The following DLGAP2 variants were observed in gnomAD, a reference collection of about 807,000 sequenced individuals.
DLGAP2 encodes DLG associated protein 2, also known as disks large-associated protein 2.
A neutral mutation model predicts 100.3 loss-of-function variants in DLGAP2; 26 were observed. That is an observed-to-expected ratio of 0.26 (90% CI 0.19 to 0.36). The LOEUF is 0.36. Ranked by LOEUF, DLGAP2 falls within the 10% of genes least tolerant of loss-of-function variation. DLGAP2 has a pLI of 1.00. For synonymous variants in DLGAP2, 886 were observed against 630.1 expected, an observed-to-expected ratio of 1.41 and a Z score of -6.08; for missense variants, 1,858 against 1,453.2, an observed-to-expected ratio of 1.28 and a Z score of -4.53.
At chr8:813,430 G>A (rs779843458) in intron 1 of DLGAP2, among the ~76,000 whole-genome samples, 11 of 152,022 alleles carry the variant, frequency 7.2e-5, no homozygotes, top group Admixed American at 6.6e-4. Context: ...ATTCTATAAT[G>A]TCATCTTGTT....
intron 2 of DLGAP2, among the ~76,000 whole-genome samples, chr8:1,058,074 C>T (rs1054799481): frequency 1.3e-5 from 2 of 152,186 alleles, no homozygotes; most frequent in African/African-American, 4.8e-5. Flanking sequence ...TATTACCCTG[C>T]TCTGCCAAAT....
intron 2 of DLGAP2, among the ~76,000 whole-genome samples, chr8:1,007,634 T>TGA (rs199694483): frequency 5.8e-5 from 8 of 138,102 alleles, no homozygotes; most frequent in African/African-American, 1.9e-4. Flanking sequence ...GTTTTTTTTT[T>TGA]TGGGGGGGGG....
intron 2 of DLGAP2, among the ~76,000 whole-genome samples, chr8:1,070,141 G>T (rs1803382397): frequency 6.6e-6 from 1 of 152,196 alleles, no homozygotes; most frequent in Non-Finnish European, 1.5e-5. Flanking sequence ...GGGGCATCTT[G>T]TGCACCTCTT....
chr8:1,634,183 G>A (rs1036006661), intron 8 of DLGAP2, among the ~76,000 whole-genome samples: 5 of 152,138 alleles, frequency 3.3e-5, no homozygotes, highest in African/African-American at 7.2e-5. Context: ...TGGTTTCTGC[G>A]GTATTCAAGA....
intron 2 of DLGAP2, among the ~76,000 whole-genome samples, chr8:1,157,733 C>G (rs762848944): frequency 6.6e-6 from 1 of 152,182 alleles, no homozygotes; most frequent in Admixed American, 6.5e-5. Flanking sequence ...GACAAGAGAA[C>G]GTCAGCCACC....
chr8:1,229,484 C>T (rs553760408), intron 2 of DLGAP2, among the ~76,000 whole-genome samples: 2 of 152,200 alleles, frequency 1.3e-5, no homozygotes, highest in East Asian at 1.9e-4. Context: ...TTATCTACTT[C>T]CTCTAGATTT....
intron 2 of DLGAP2, among the ~76,000 whole-genome samples, chr8:1,222,198 T>A (rs1321926419): frequency 6.6e-6 from 1 of 152,238 alleles, no homozygotes; most frequent in African/African-American, 2.4e-5. Flanking sequence ...TTCTTTCTCA[T>A]CTGTGTGGGC....
intron 3 of DLGAP2, chr8:1,300,426 C>T (rs1800306542): frequency 6.6e-6 from 1 of 152,232 alleles, no homozygotes; most frequent in Non-Finnish European, 1.5e-5. Context: ...CTGCCCTCCC[C>T]AGATGCATAA....
intron 3 of DLGAP2, among the ~76,000 whole-genome samples, chr8:1,329,709 G>C (rs1227995753): frequency 1.3e-5 from 2 of 152,166 alleles, no homozygotes; most frequent in African/African-American, 4.8e-5. Context: ...CGTGCGTGAG[G>C]TCACCTTCTA....
At position 1,350,784 on chromosome 8, in the gene DLGAP2, C is replaced by T. The variant is rs559373350; in HGVS notation, c.106+91901C>T. Among the ~76,000 whole-genome samples, 3 of 53,890 alleles carry T rather than the reference C, an allele frequency of 5.6e-5. No homozygotes were observed. The Admixed American group carries it at 8.5e-4, about 15-fold the overall frequency. 35.4% of individuals were successfully genotyped at this position (53,890 alleles called of 152,430 possible). On this transcript the variant is annotated intron_variant, in intron 3 of 14. Coordinates refer to ENST00000637795, the MANE Select transcript of DLGAP2 (RefSeq NM_001346810.2). ...GGGTCCTGAGCGTGCGTGGAAAGGC[C>T]GTGCGGGTCCTGAGTGTGCGTGGAA... is the stretch of plus-strand genomic sequence containing the variant.
chr8:848,055 C>A lies in DLGAP2; in HGVS notation c.19-59857C>A, dbSNP rs533532631. ...CCTGTTACTCTTCAGTTCTGTGTTT[C>A]CTGTTGCCCTGCTCCCAGCCACAGG... On this transcript the variant is annotated intron_variant, in intron 1 of 14. Coordinates refer to ENST00000637795, the MANE Select transcript of DLGAP2 (RefSeq NM_001346810.2). Among the ~76,000 whole-genome samples, 70 of 152,262 alleles carry A rather than the reference C, an allele frequency of 4.6e-4. No homozygotes were observed. In the South Asian group the frequency reaches 5.0e-3, roughly 11 times the overall value.
chr8:1,091,907 C>G (rs1442011396), intron 2 of DLGAP2, among the ~76,000 whole-genome samples: 1 of 152,190 alleles, frequency 6.6e-6, no homozygotes, highest in African/African-American at 2.4e-5. Flanking sequence ...CACAGCTCCC[C>G]ACATCCCAGG....
At chr8:1,108,900 C>T (rs1253476275) in intron 2 of DLGAP2, among the ~76,000 whole-genome samples, 5 of 125,324 alleles carry the variant, frequency 4.0e-5, no homozygotes, top group Middle Eastern at 7.1e-3. Context: ...GAGGTGTGCA[C>T]GTGCCTATGA....
At chr8:1,069,816 T>A (rs1803373183) in intron 2 of DLGAP2, among the ~76,000 whole-genome samples, 1 of 152,306 alleles carries the variant, frequency 6.6e-6, no homozygotes, top group South Asian at 2.1e-4. Context: ...GCGTGTCTTG[T>A]GGAGGAGGAT....
intron 3 of DLGAP2, among the ~76,000 whole-genome samples, chr8:1,425,940 T>A (rs151117790): frequency 1.8e-4 from 28 of 152,230 alleles, no homozygotes; most frequent in African/African-American, 6.0e-4. Context: ...CAGGACCTGA[T>A]GTAGGGCTTA....
At position 1,136,081 on chromosome 8, in the gene DLGAP2, G is replaced by A. The variant is rs56287403; in HGVS notation, c.74-122770G>A. 2.6e-3 allele frequency among the ~76,000 whole-genome samples: 395 copies of A among 151,876 alleles called. 1 individual carries two copies. Among genetic ancestry groups the A allele is most frequent in the Non-Finnish European group, 4.0e-3 (273 of 67,998 alleles). ...CCCAACCTGCTCATGAAAAATTCAC[G>A]CAAGGGATTTGAGATTCCCCTTGCC... On this transcript the variant is annotated intron_variant, in intron 2 of 14. Coordinates refer to ENST00000637795, the MANE Select transcript of DLGAP2 (RefSeq NM_001346810.2).
chr8:1,266,396 C>T (rs1465774021), intron 3 of DLGAP2, among the ~76,000 whole-genome samples: 20 of 152,216 alleles, frequency 1.3e-4, no homozygotes, highest in Admixed American at 1.2e-3. Flanking sequence ...GAGCAGGAAG[C>T]AGCATCTCTG....
chr8:1,529,856 C>T (rs373638773), intron 4 of DLGAP2, among the ~76,000 whole-genome samples: 77 of 152,246 alleles, frequency 5.1e-4, no homozygotes, highest in African/African-American at 1.7e-3. Flanking sequence ...CATGTCGGTA[C>T]GTTCCATGAT....
intron 3 of DLGAP2, among the ~76,000 whole-genome samples, chr8:1,479,074 G>A (rs1272428853): frequency 6.6e-6 from 1 of 152,242 alleles, no homozygotes; most frequent in Non-Finnish European, 1.5e-5. Flanking sequence ...CCAGCTGAGA[G>A]CACAAAGGCC....
Sources: allele counts gnomAD v4.1 joint callset (sites outside exome capture counted in the v4.1 genomes callset), GRCh38; gene constraint gnomAD v4.1.1; transcripts MANE v1.5; gene names NCBI Gene and HGNC (gene_info 2026-07-23, HGNC 2026-07-21).